The following DNM1 variants were observed in gnomAD, a reference collection of about 807,000 sequenced individuals.
The protein encoded by DNM1 is dynamin-1.
In DNM1, 29 loss-of-function variants were observed where a neutral mutation model predicts 104.6. That is an observed-to-expected ratio of 0.28 (90% CI 0.21 to 0.38). The LOEUF (loss-of-function observed/expected upper bound fraction) is 0.38. Among genes scored for constraint, DNM1 ranks in the 10% least tolerant of loss-of-function variants. The probability of loss-of-function intolerance (pLI) is 1.00; values close to 1 mark genes in which losing one functional copy is unlikely to be tolerated. For synonymous variants in DNM1, 445 were observed against 475.8 expected (o/e 0.94, Z 0.84); for missense variants, 640 against 1,189.4 (o/e 0.54, Z 6.79).
intron 11 of DNM1, among the ~76,000 whole-genome samples, chr9:128,237,806 C>T (rs935401358): frequency 6.6e-6 from 1 of 152,096 alleles, no homozygotes; most frequent in Non-Finnish European, 1.5e-5. Flanking sequence ...TAGGGTCTCG[C>T]TCTGACGCCC....
At chr9:128,239,853 C>T in intron 13 of DNM1, 74 bp downstream of exon 13, 1 of 1,567,740 alleles carries the variant, frequency 6.4e-7, no homozygotes. Context: ...GAGCCCCCTC[C>T]CCTGAGGGGA....
At chr9:128,239,892 A>G in intron 13 of DNM1, 93 bp from the exon 14 acceptor site, 1 of 1,579,918 alleles carries the variant, frequency 6.3e-7, no homozygotes, top group Non-Finnish European at 8.7e-7. Context: ...GGGACCTGTC[A>G]GCTGCCAGCC....
intron 1 of DNM1, among the ~76,000 whole-genome samples, chr9:128,211,933 CTG>C (rs1446426078): frequency 1.3e-5 from 2 of 152,192 alleles, no homozygotes; most frequent in African/African-American, 4.8e-5. Flanking sequence ...CTAGTCATGA[CTG>C]TGTTATTCTT....
intron 21 of DNM1, chr9:128,252,833 G>A (rs1328012477): frequency 1.5e-5 from 10 of 671,428 alleles, no homozygotes; most frequent in African/African-American, 1.1e-4. Flanking sequence ...CTGCCCACAC[G>A]TGTGCTTCAG....
rs563614342 is a variant in DNM1 at position 128,233,920 on chromosome 9, C to T, written c.1336-101C>T. The T allele has an allele frequency of 9.8e-4, 1,046 of 1,062,164 alleles. 18 individuals are homozygous for T. In the South Asian group the frequency reaches 0.012, roughly 12 times the overall value. The allele number at this position is 1,062,164 out of a possible 1,614,324, so 65.8% of individuals were successfully genotyped here. The stretch of plus-strand genomic sequence containing the variant: ...CCGCGTTGTGGGCATTCTGTGTGTG[C>T]CTCCCACCCTGCGCCGCGGATCCCT... On this transcript the variant is annotated intron_variant, in intron 10 of 21. Coordinates refer to ENST00000372923, the MANE Select transcript of DNM1 (RefSeq NM_004408.4).
At chr9:128,239,235 C>T (rs1402678828) in intron 11 of DNM1, among the ~76,000 whole-genome samples, 1 of 151,314 alleles carries the variant, frequency 6.6e-6, no homozygotes, top group African/African-American at 2.4e-5. Flanking sequence ...TAGGCTCAAG[C>T]AATCCTCCCA....
At chr9:128,213,570 A>G (rs889388110) in intron 1 of DNM1, among the ~76,000 whole-genome samples, 2 of 152,186 alleles carry the variant, frequency 1.3e-5, no homozygotes, top group African/African-American at 4.8e-5. Flanking sequence ...TCTGCTTAAT[A>G]GGGAGAAAGA....
rs1836723764 is a variant in DNM1, at chr9:128,245,358, C to T, written c.1672-1036C>T. ...CCCACCTGAGATCCTAGGCAAGGCT[C>T]ATGCCCAACCTCTTTGAGTCCCCGA... is the stretch of plus-strand genomic sequence containing the variant. On this transcript the variant is annotated intron_variant, in intron 15 of 21. Transcript: ENST00000372923. This position sits in a 1 kb window ranked among gnomAD's most constrained non-coding sequence, Gnocchi z 5.2. 6.6e-6 allele frequency among the ~76,000 whole-genome samples: 1 copy of T among 152,008 alleles called. No individual in the cohort carries two copies. The highest frequency in any genetic ancestry group is 1.5e-5 in the Non-Finnish European group (1 of 67,958).
rs998948259 is a variant in DNM1 at position 128,245,135 on chromosome 9, C to T, written c.1672-1259C>T. The T allele has an allele frequency of 2.8e-5, 6 of 215,754 alleles. No individual in the cohort carries two copies. The highest frequency in any genetic ancestry group is 5.8e-5 in the Non-Finnish European group (6 of 102,806). The allele number at this position is 215,754 out of a possible 1,614,324, so 13.4% of individuals were successfully genotyped here. A position where few individuals can be genotyped will look rare whatever the true frequency, so the allele number is the denominator to read the frequency against. ...GGGCGGGTGGTGGCGGGGCCTCTCT[C>T]GAACGGTTCCAGATGTTCCCTGGCC... On this transcript the variant is annotated intron_variant, in intron 15 of 21. Transcript: ENST00000372923. The surrounding 1 kb of genome is among the most constrained non-coding windows in gnomAD (Gnocchi z 5.2).
chr9:128,216,072 C>G (rs988099362), intron 1 of DNM1, among the ~76,000 whole-genome samples: 1 of 151,860 alleles, frequency 6.6e-6, no homozygotes, highest in African/African-American at 2.4e-5. Flanking sequence ...CACCTCTGTT[C>G]TAGCACATAC....
In DNM1 at chr9:128,234,024, C is replaced by A; in HGVS notation, c.1339C>A (p.Gln447Lys). ...STVRQCTKKL[Q>K]QYPRLREEME... ...CTGCCCTCCTGCCCTTCCCCAGCTC[C>A]AGCAGTACCCGCGGCTACGGGAGGA... is the stretch of plus-strand genomic sequence containing the variant. Residue 447 changes from glutamine to lysine, a missense_variant, in exon 11 of 22, where the codon CAG (glutamine) becomes AAG (lysine). By Grantham distance (53) the Gln-to-Lys change is moderately conservative. Coordinates refer to ENST00000372923, the MANE Select transcript of DNM1 (RefSeq NM_004408.4). 1 of 1,565,958 alleles carries A rather than the reference C, an allele frequency of 6.4e-7. No individual in the cohort carries two copies. The highest frequency in any genetic ancestry group is 2.4e-5 in the East Asian group (1 of 41,742).
At chr9:128,212,262 A>G (rs762130288) in intron 1 of DNM1, among the ~76,000 whole-genome samples, 23 of 152,214 alleles carry the variant, frequency 1.5e-4, no homozygotes, top group Non-Finnish European at 2.4e-4. Flanking sequence ...GAACAAGGAA[A>G]TAATTTAGTG....
At chr9:128,241,853 G>T (rs1836386147) in intron 14 of DNM1, among the ~76,000 whole-genome samples, 1 of 152,336 alleles carries the variant, frequency 6.6e-6, no homozygotes, top group East Asian at 1.9e-4. Context: ...CATGTGTAAA[G>T]TCAGAAACAC....
chr9:128,214,392 G>A (rs976896756), intron 1 of DNM1, among the ~76,000 whole-genome samples: 1 of 152,148 alleles, frequency 6.6e-6, no homozygotes, highest in Non-Finnish European at 1.5e-5. Flanking sequence ...CATTCAATGT[G>A]GGGTCCATCT....
intron 11 of DNM1, among the ~76,000 whole-genome samples, chr9:128,238,598 G>A (rs573616360): frequency 7.3e-5 from 11 of 151,660 alleles, no homozygotes; most frequent in Admixed American, 3.9e-4. Context: ...GTGGATGTAT[G>A]CATTTCTTCT....
In DNM1 at chr9:128,254,763, C is replaced by A; in HGVS notation, c.*49C>A. ...ACCTCCCTTTCCAAGCCTGCCTGGA[C>A]GGCTGTTCTGTGACTTGACAGTGGC... is the stretch of plus-strand genomic sequence containing the variant. On this transcript the variant is annotated 3_prime_UTR_variant, in exon 22 of 22. Transcript: ENST00000372923. The surrounding 1 kb of genome is among the most constrained non-coding windows in gnomAD (Gnocchi z 6.1). The A allele has an allele frequency of 6.5e-7, 1 of 1,527,506 alleles. No individual in the cohort carries two copies. Among genetic ancestry groups the A allele is most frequent in the Non-Finnish European group, 8.9e-7 (1 of 1,118,106 alleles). The allele number at this position is 1,527,506 out of a possible 1,614,324, so 94.6% of individuals were successfully genotyped here. A position where few individuals can be genotyped will look rare whatever the true frequency, so the allele number is the denominator to read the frequency against.
rs779012534 is a variant in DNM1 at position 128,218,628 on chromosome 9, C to T, written c.282C>T (p.Phe94=). Residue 94 remains phenylalanine (F), a synonymous_variant, in exon 3 of 22, where the codon TTC becomes TTT. Transcript: ENST00000372923. This position sits in a 1 kb window ranked among gnomAD's most constrained non-coding sequence, Gnocchi z 4.8. Reference sequence around the variant, plus strand: ...GCAAGGGAAAGAAATTCACCGACTTCGAGGAGGTGCGCCTTGAGATCGAGG... The same window carrying T: ...GCAAGGGAAAGAAATTCACCGACTTTGAGGAGGTGCGCCTTGAGATCGAGG... ...LHCKGKKFTD[F]EEVRLEIEAE... 6.2e-7 allele frequency: 1 copy of T among 1,613,688 alleles called. No individual in the cohort carries two copies. The highest frequency in any genetic ancestry group is 8.5e-7 in the Non-Finnish European group (1 of 1,179,726).
At chr9:128,241,634 G>A (rs1381394255) in intron 14 of DNM1, among the ~76,000 whole-genome samples, 6 of 152,088 alleles carry the variant, frequency 3.9e-5, no homozygotes, top group South Asian at 2.1e-4. Flanking sequence ...TCACACACAC[G>A]CACGTAGAGA....
At position 128,234,037 on chromosome 9, in the gene DNM1, G is replaced by A. The variant is rs1380787820; in HGVS notation, c.1352G>A (p.Arg451Gln). The A allele has an allele frequency of 1.5e-5, 23 of 1,572,686 alleles. No individual in the cohort carries two copies. Among genetic ancestry groups the A allele is most frequent in the Non-Finnish European group, 1.9e-5 (22 of 1,159,804 alleles). The change falls in exon 11 of 22, where the codon CGG becomes CAG. Residue 451 changes from arginine to glutamine, a missense_variant. Physicochemically the swap from Arg to Gln is conservative, Grantham distance 43 (BLOSUM62 1). This residue lies in a region of DNM1 where 92 missense variants were observed against 124.4 expected (regional missense o/e 0.74). Transcript: ENST00000372923. Reference protein sequence around the residue: ...QCTKKLQQYPRLREEMERIVT... With the variant: ...QCTKKLQQYPQLREEMERIVT... ...CTTCCCCAGCTCCAGCAGTACCCGC[G>A]GCTACGGGAGGAGATGGAGCGCATC...
Sources: allele counts gnomAD v4.1 joint callset (sites outside exome capture counted in the v4.1 genomes callset), GRCh38; gene constraint gnomAD v4.1.1; regional missense constraint gnomAD v4.1.1; non-coding constraint Gnocchi (gnomAD v3.1); transcripts MANE v1.5; gene names NCBI Gene and HGNC (gene_info 2026-07-23, HGNC 2026-07-21).